The following CHURC1 variants were observed in gnomAD, a reference collection of about 807,000 sequenced individuals.
The protein encoded by CHURC1 is churchill domain containing 1.
CHURC1 carries 12 observed loss-of-function variants against 15.4 expected under a neutral mutation model. That is an observed-to-expected ratio of 0.78 (90% CI 0.50 to 1.27). CHURC1 has a LOEUF of 1.27. Among genes scored for constraint, CHURC1 ranks in the 50% most tolerant of loss-of-function variants. The pLI is 0.00. For synonymous variants in CHURC1, 42 were observed against 47.5 expected, an observed-to-expected ratio of 0.88 and a Z score of 0.48; for missense variants, 132 against 137.8, an observed-to-expected ratio of 0.96 and a Z score of 0.21.
intron 3 of CHURC1, among the ~76,000 whole-genome samples, chr14:64,930,439 G>C (rs756982073): frequency 4.6e-5 from 7 of 152,124 alleles, no homozygotes; most frequent in Non-Finnish European, 1.0e-4. Flanking sequence ...ATTTTCCTGG[G>C]AACCTAACCG....
chr14:64,927,070 A>G (rs982958976), intron 3 of CHURC1, among the ~76,000 whole-genome samples: 1 of 152,194 alleles, frequency 6.6e-6, no homozygotes. Context: ...GAATTTTTTC[A>G]ATTCCCTTCA....
intron 1 of CHURC1, among the ~76,000 whole-genome samples, chr14:64,915,306 T>C (rs1383972959): frequency 6.6e-6 from 1 of 152,218 alleles, no homozygotes; most frequent in Non-Finnish European, 1.5e-5. Flanking sequence ...CTGGATTATT[T>C]GTTTCAGAGA....
chr14:64,926,441 G>T (rs750914720), intron 3 of CHURC1, among the ~76,000 whole-genome samples: 5 of 152,168 alleles, frequency 3.3e-5, no homozygotes, highest in Non-Finnish European at 5.9e-5. Flanking sequence ...AAATCAAAAT[G>T]TGTAGTTTAC....
chr14:64,920,840 A>C (rs1038600696), intron 1 of CHURC1, among the ~76,000 whole-genome samples: 1 of 152,218 alleles, frequency 6.6e-6, no homozygotes, highest in Non-Finnish European at 1.5e-5. Flanking sequence ...GGCAGTCCCA[A>C]TTCAAACTCC....
chr14:64,934,766 T>G lies in CHURC1; in HGVS notation c.*2536T>G. 1 of 985,316 alleles carries G rather than the reference T, an allele frequency of 1.0e-6. No individual in the cohort carries two copies. 61.0% of individuals were successfully genotyped at this position (985,316 alleles called of 1,614,324 possible). A position where few individuals can be genotyped will look rare whatever the true frequency, so the allele number is the denominator to read the frequency against. ...CTTGAGTTTGCTAATGCTTCCAACT[T>G]AGTCATTTGAAGCCCAAGAGTCTAA... On this transcript the variant is annotated 3_prime_UTR_variant, in exon 4 of 4. Transcript: ENST00000549115.
intron 1 of CHURC1, among the ~76,000 whole-genome samples, chr14:64,917,048 G>A (rs747750248): frequency 6.6e-6 from 1 of 152,330 alleles, no homozygotes; most frequent in Non-Finnish European, 1.5e-5. Flanking sequence ...AAATGGTGGG[G>A]TAGAGGGTGT....
intron 2 of CHURC1, among the ~76,000 whole-genome samples, chr14:64,924,702 C>G (rs1172801875): frequency 2.0e-5 from 3 of 152,040 alleles, no homozygotes; most frequent in African/African-American, 7.3e-5. Context: ...TCTTCTCGTC[C>G]TCAATACTGG....
At chr14:64,927,711 CCCCCA>C in intron 3 of CHURC1, among the ~76,000 whole-genome samples, 1 of 64,568 alleles carries the variant, frequency 1.5e-5, no homozygotes, top group Non-Finnish European at 3.0e-5. Context: ...TCTACTTCTC[CCCCCA>C]CCCCCCCCCC....
intron 1 of CHURC1, 86 bp from the exon 2 acceptor site, chr14:64,923,905 G>A: frequency 8.1e-7 from 1 of 1,239,180 alleles, no homozygotes; most frequent in Non-Finnish European, 1.0e-6. Flanking sequence ...GTTTTGTTTT[G>A]CCTTTAGACA....
chr14:64,919,003 A>G lies in CHURC1; in HGVS notation c.39+4469A>G, dbSNP rs1419647023. ...TGAATTCTTAATGGGGCTCTGGCCT[A>G]CTTGCTTATACTGTTAACACTGAGA... On this transcript the variant is annotated intron_variant, in intron 1 of 3. Coordinates refer to ENST00000549115, the MANE Select transcript of CHURC1 (RefSeq NM_001386928.1). Among the ~76,000 whole-genome samples, 3 of 152,254 alleles carry G rather than the reference A, an allele frequency of 2.0e-5. No homozygotes were observed. The East Asian group carries it at 5.8e-4, about 29-fold the overall frequency.
intron 3 of CHURC1, among the ~76,000 whole-genome samples, chr14:64,926,917 G>C (rs769734098): frequency 6.6e-6 from 1 of 152,132 alleles, no homozygotes; most frequent in Admixed American, 6.5e-5. Context: ...CTGGGCAGTC[G>C]GGGAGAGCCA....
Position 64,933,543 on chromosome 14 carries a change from C to G in CHURC1, c.*1313C>G. ...ATTGTCCTGTTTCTATCAAATTGGA[C>G]TAACAAAAATTGATATAATACATTC... On this transcript the variant is annotated 3_prime_UTR_variant, in exon 4 of 4. Transcript: ENST00000549115. 1 of 976,690 alleles carries G rather than the reference C, an allele frequency of 1.0e-6. No homozygotes were observed. The highest frequency in any genetic ancestry group is 1.8e-5 in the African/African-American group (1 of 57,012). The allele number at this position is 976,690 out of a possible 1,614,324, so 60.5% of individuals were successfully genotyped here.
Position 64,934,188 on chromosome 14 carries a change from C to CA in CHURC1, c.*1963dup. The CA allele has an allele frequency of 2.2e-6, 1 of 464,994 alleles. No individual in the cohort carries two copies. The highest frequency in any genetic ancestry group is 2.8e-6 in the Non-Finnish European group (1 of 354,960). The allele number at this position is 464,994 out of a possible 1,614,324, so 28.8% of individuals were successfully genotyped here. A position where few individuals can be genotyped will look rare whatever the true frequency, so the allele number is the denominator to read the frequency against. On this transcript the variant is annotated 3_prime_UTR_variant, in exon 4 of 4. Coordinates refer to ENST00000549115, the MANE Select transcript of CHURC1 (RefSeq NM_001386928.1). ...TGCAACCTCGTCTTTACTAAAAATACAAAAACAAAAATTAGCCAGGGGTGG... is the reference window on the plus strand; with the variant it reads ...TGCAACCTCGTCTTTACTAAAAATACAAAAAACAAAAATTAGCCAGGGGTGG...
chr14:64,914,615 G>A, intron 1 of CHURC1, 81 bp downstream of exon 1: 1 of 1,597,494 alleles, frequency 6.3e-7, no homozygotes, highest in South Asian at 1.1e-5. Context: ...CAGAGAGGCC[G>A]TACGTGGGGC....
chr14:64,931,168 A>G (rs1885057925), intron 3 of CHURC1, among the ~76,000 whole-genome samples: 1 of 152,272 alleles, frequency 6.6e-6, no homozygotes, highest in Admixed American at 6.5e-5. Flanking sequence ...AGGCTTTTAA[A>G]TGAAAGGTTT....
In CHURC1 at chr14:64,932,165, G is replaced by C. The variant is rs45485893; in HGVS notation, c.274G>C (p.Gly92Arg). 6.2e-7 allele frequency: 1 copy of C among 1,613,678 alleles called. No individual in the cohort carries two copies. Among genetic ancestry groups the C allele is most frequent in the Non-Finnish European group, 8.5e-7 (1 of 1,179,782 alleles). The change falls in exon 4 of 4, where the codon GGC becomes CGC. Residue 92 changes from glycine to arginine, a missense_variant. Physicochemically the swap from Gly to Arg is moderately radical, Grantham distance 125. Transcript: ENST00000549115. Reference protein sequence around the residue: ...QEYTMLCLLCGKAEDTISILP... With the variant: ...QEYTMLCLLCRKAEDTISILP... ...GTATACCATGCTGTGTCTGTTATGC[G>C]GCAAAGCCGAAGATACTATCAGTAT... is the stretch of plus-strand genomic sequence containing the variant.
In CHURC1 at chr14:64,933,925, T is replaced by C; in HGVS notation, c.*1695T>C. ...ATTAACAAATTCATAAGGTAGGTGC[T>C]ATTGATAGTTTAGCCATAACCAGAT... On this transcript the variant is annotated 3_prime_UTR_variant, in exon 4 of 4. Coordinates refer to ENST00000549115, the MANE Select transcript of CHURC1 (RefSeq NM_001386928.1). The C allele has an allele frequency of 1.0e-6, 1 of 985,394 alleles. No homozygotes were observed. Among genetic ancestry groups the C allele is most frequent in the Non-Finnish European group, 1.2e-6 (1 of 829,858 alleles). The allele number at this position is 985,394 out of a possible 1,614,324, so 61.0% of individuals were successfully genotyped here.
In CHURC1 at chr14:64,915,570, ATTGG is replaced by A. The variant is rs543189167; in HGVS notation, c.39+1041_39+1044del. On this transcript the variant is annotated intron_variant, in intron 1 of 3. Coordinates refer to ENST00000549115, the MANE Select transcript of CHURC1 (RefSeq NM_001386928.1). The stretch of plus-strand genomic sequence containing the variant: ...AAAATTACAGAAATGGAATTTGTGC[ATTGG>A]TTGGGAAGGAGGGAGAAAGTCTCTG... Among the ~76,000 whole-genome samples the A allele has an allele frequency of 4.4e-4, 67 of 152,304 alleles. No homozygotes were observed. In the East Asian group the frequency reaches 0.013, roughly 29 times the overall value.
intron 3 of CHURC1, among the ~76,000 whole-genome samples, chr14:64,930,503 C>A (rs1377575434): frequency 1.3e-5 from 2 of 152,192 alleles, no homozygotes; most frequent in African/African-American, 2.4e-5. Context: ...AAATAATTGA[C>A]TTGCAATGAA....
Sources: allele counts gnomAD v4.1 joint callset (sites outside exome capture counted in the v4.1 genomes callset), GRCh38; gene constraint gnomAD v4.1.1; transcripts MANE v1.5; gene names NCBI Gene and HGNC (gene_info 2026-07-23, HGNC 2026-07-21).